PHF14: variants seen among roughly 807,000 people sequenced by gnomAD.
PHF14 encodes PHD finger protein 14.
A neutral mutation model predicts 117.9 loss-of-function variants in PHF14; 55 were observed. The ratio of observed to expected loss-of-function variants is 0.47; its 90% CI spans 0.38 to 0.58. The LOEUF (loss-of-function observed/expected upper bound fraction) is 0.58, where lower values mean the gene tolerates loss of function less well. Ranked by LOEUF, PHF14 falls within the 20% of genes least tolerant of loss-of-function variation. The probability of loss-of-function intolerance (pLI) is 0.00; values close to 1 mark genes in which losing one functional copy is unlikely to be tolerated. For synonymous variants in PHF14, 409 were observed against 368.6 expected (o/e 1.11, Z -1.26); for missense variants, 978 against 1,122.2 (o/e 0.87, Z 1.84).
chr7:11,166,717 T>G (rs1459246768), intron 17 of PHF14, among the ~76,000 whole-genome samples: 1 of 152,158 alleles, frequency 6.6e-6, no homozygotes, highest in Non-Finnish European at 1.5e-5. Context: ...AATGCTTTTC[T>G]GCACCTAGGT....
intron 16 of PHF14, among the ~76,000 whole-genome samples, chr7:11,091,752 T>C (rs1338593867): frequency 6.6e-6 from 1 of 152,080 alleles, no homozygotes; most frequent in African/African-American, 2.4e-5. Flanking sequence ...AGCGAGACCC[T>C]TTCTCAAAAA....
chr7:11,015,800 G>A (rs1458679773), intron 5 of PHF14, among the ~76,000 whole-genome samples: 2 of 151,178 alleles, frequency 1.3e-5, no homozygotes, highest in Non-Finnish European at 2.9e-5. Context: ...AGGTAATCAT[G>A]GAGTATTAGC....
chr7:10,995,070 TC>T (rs1782587733), intron 4 of PHF14, among the ~76,000 whole-genome samples: 1 of 152,164 alleles, frequency 6.6e-6, no homozygotes, highest in African/African-American at 2.4e-5. Context: ...ACAAAAGTTC[TC>T]CAAGTCCGCA....
At chr7:11,133,953 G>A (rs1239154934) in intron 17 of PHF14, among the ~76,000 whole-genome samples, 1 of 151,966 alleles carries the variant, frequency 6.6e-6, no homozygotes, top group African/African-American at 2.4e-5. Flanking sequence ...CCCAAGTGAG[G>A]AATTTAAGGA....
At chr7:11,107,392 C>A in intron 16 of PHF14, 1 of 849,338 alleles carries the variant, frequency 1.2e-6, no homozygotes, top group Non-Finnish European at 1.4e-6. Flanking sequence ...GGGTAAAAGA[C>A]CATATATTAA....
Position 11,169,591 on chromosome 7 carries a change from G to A in PHF14, c.*101G>A, listed in dbSNP as rs866385967. ...AATTGTAAAATCTAATTTGCAAAAT[G>A]TTCTCAATAAAGTCATTCAAAATGA... On this transcript the variant is annotated 3_prime_UTR_variant, in exon 18 of 18. Transcript: ENST00000634607. The A allele has an allele frequency of 7.6e-6, 4 of 525,552 alleles. No homozygotes were observed. In the South Asian group the frequency reaches 1.0e-4, roughly 14 times the overall value. The allele number at this position is 525,552 out of a possible 1,614,324, so 32.6% of individuals were successfully genotyped here.
At chr7:11,001,773 C>T (rs1782885799) in intron 4 of PHF14, among the ~76,000 whole-genome samples, 1 of 152,138 alleles carries the variant, frequency 6.6e-6, no homozygotes, top group South Asian at 2.1e-4. Context: ...TTTGGCTACT[C>T]TTCCAGATTT....
intron 17 of PHF14, among the ~76,000 whole-genome samples, chr7:11,146,320 A>G (rs191109352): frequency 1.3e-5 from 2 of 152,274 alleles, no homozygotes; most frequent in East Asian, 1.9e-4. Flanking sequence ...TTCTTTTTCA[A>G]TATTTTCATT....
At chr7:11,105,596 C>T (rs1049376367) in intron 16 of PHF14, 2 of 984,252 alleles carry the variant, frequency 2.0e-6, no homozygotes, top group Non-Finnish European at 2.4e-6. Flanking sequence ...TCCTGACATA[C>T]GAAGGCAGAA....
intron 17 of PHF14, among the ~76,000 whole-genome samples, chr7:11,151,208 T>A (rs917607462): frequency 2.6e-5 from 4 of 152,220 alleles, no homozygotes; most frequent in African/African-American, 4.8e-5. Flanking sequence ...TGCCACATAA[T>A]GTCACTATGA....
intron 4 of PHF14, among the ~76,000 whole-genome samples, chr7:11,008,147 T>G (rs74937198): frequency 0.012 from 1,842 of 152,268 alleles, 26 homozygotes; most frequent in African/African-American, 0.042. Flanking sequence ...TCAGGTTTAG[T>G]TGCTATTCAT....
At chr7:11,010,439 C>G (rs1357687545) in intron 4 of PHF14, among the ~76,000 whole-genome samples, 1 of 151,678 alleles carries the variant, frequency 6.6e-6, no homozygotes, top group Non-Finnish European at 1.5e-5. Flanking sequence ...AGTCTAACTC[C>G]TTTTAAATCT....
chr7:10,996,683 T>C (rs1434569184), intron 4 of PHF14, among the ~76,000 whole-genome samples: 2 of 152,152 alleles, frequency 1.3e-5, no homozygotes, highest in African/African-American at 4.8e-5. Flanking sequence ...AGATAGAGGA[T>C]AAGTTAACTC....
rs775471226 is a variant in PHF14 at position 10,982,794 on chromosome 7, G to A, written c.535G>A (p.Glu179Lys). 3 of 1,613,716 alleles carry A rather than the reference G, an allele frequency of 1.9e-6. No homozygotes were observed. Among genetic ancestry groups the A allele is most frequent in the African/African-American group, 1.3e-5 (1 of 74,886 alleles). Residue 179 changes from glutamate to lysine, a missense_variant, in exon 3 of 18, where the codon GAG becomes AAG. Transcript: ENST00000634607. ...TTTATEEQVS[E>K]PKKWNLRRNR... ...AACCGCTACAGAGGAACAAGTCAGCGAGCCAAAAAAATGGAACCTTCGACG... is the reference window on the plus strand; with the variant it reads ...AACCGCTACAGAGGAACAAGTCAGCAAGCCAAAAAAATGGAACCTTCGACG...
rs114719422 is a variant in PHF14 at position 11,040,808 on chromosome 7, G to A, written c.2180+33G>A. The A allele has an allele frequency of 2.9e-3, 3,120 of 1,080,026 alleles. 60 individuals carry two copies. In the African/African-American group the frequency reaches 0.047, roughly 16 times the overall value. The allele number at this position is 1,080,026 out of a possible 1,614,324, so 66.9% of individuals were successfully genotyped here. On this transcript the variant is annotated intron_variant, in intron 12 of 17. Coordinates refer to ENST00000634607, the MANE Select transcript of PHF14 (RefSeq NM_001007157.2). ...ATGAAATTAATAATGATAGAATAAT[G>A]TTGTGTATTTTTTTAAACTGATACT...
In PHF14 at chr7:11,040,634, C is replaced by T. The variant is rs1784472338; in HGVS notation, c.2077-38C>T. ...AGGAAAATGTTGCTTTTATTTCTTT[C>T]TTAAAACAATATATACTACATTTGT... is the stretch of plus-strand genomic sequence containing the variant. On this transcript the variant is annotated intron_variant, in intron 11 of 17. Coordinates refer to ENST00000634607, the MANE Select transcript of PHF14 (RefSeq NM_001007157.2). The T allele has an allele frequency of 2.7e-6, 3 of 1,120,398 alleles. No individual in the cohort carries two copies. The South Asian group carries it at 5.6e-5, about 21-fold the overall frequency. The allele number at this position is 1,120,398 out of a possible 1,614,324, so 69.4% of individuals were successfully genotyped here. A position where few individuals can be genotyped will look rare whatever the true frequency, so the allele number is the denominator to read the frequency against.
intron 3 of PHF14, among the ~76,000 whole-genome samples, chr7:10,990,379 G>A (rs1376841527): frequency 6.6e-6 from 1 of 152,126 alleles, no homozygotes; most frequent in Non-Finnish European, 1.5e-5. Flanking sequence ...GTTTTTCCTA[G>A]TTTAAGGGGC....
intron 13 of PHF14, 26 bp from the exon 14 acceptor site, chr7:11,051,586 G>T (rs762849280): frequency 9.5e-6 from 15 of 1,582,354 alleles, no homozygotes; most frequent in African/African-American, 1.4e-5. Context: ...ATAAATGCAT[G>T]ACTTAAATTT....
chr7:11,024,246 T>A (rs74571222), intron 6 of PHF14, among the ~76,000 whole-genome samples: 6,100 of 151,988 alleles, frequency 0.04, 415 homozygotes, highest in African/African-American at 0.14. Flanking sequence ...AGAAGAAAGG[T>A]TGAAAGGTAG....
Sources: allele counts gnomAD v4.1 joint callset (sites outside exome capture counted in the v4.1 genomes callset), GRCh38; gene constraint gnomAD v4.1.1; transcripts MANE v1.5; gene names NCBI Gene and HGNC (gene_info 2026-07-23, HGNC 2026-07-21).